RNFT2: variants seen among roughly 807,000 people sequenced by gnomAD.
The protein encoded by RNFT2 is ring finger protein, transmembrane 2, also known as E3 ubiquitin-protein ligase RNFT2.
Under a neutral mutation model 53.0 loss-of-function variants are expected in RNFT2, and 36 were observed. The ratio of observed to expected loss-of-function variants is 0.68; its 90% CI spans 0.52 to 0.90. The LOEUF is 0.90. Ranked by LOEUF, RNFT2 falls within the 40% of genes least tolerant of loss-of-function variation. The pLI is 0.00. For synonymous variants in RNFT2, 260 were observed against 253.2 expected (o/e 1.03, Z -0.26); for missense variants, 514 against 585.6 (o/e 0.88, Z 1.26).
chr12:116,756,968 G>C (rs530398769), intron 5 of RNFT2, among the ~76,000 whole-genome samples: 10 of 151,790 alleles, frequency 6.6e-5, no homozygotes, highest in Non-Finnish European at 1.2e-4. Flanking sequence ...ACTTTTTTTT[G>C]TTGGTAATTT....
intron 3 of RNFT2, among the ~76,000 whole-genome samples, chr12:116,744,210 A>C (rs1436101906): frequency 7.5e-6 from 1 of 132,562 alleles, no homozygotes; most frequent in Non-Finnish European, 1.6e-5. Flanking sequence ...TGGGTGACAG[A>C]GTGAGACTCC....
intron 5 of RNFT2, among the ~76,000 whole-genome samples, chr12:116,763,890 A>G (rs1042697132): frequency 1.3e-5 from 2 of 152,192 alleles, no homozygotes; most frequent in African/African-American, 4.8e-5. Flanking sequence ...ATACGAAAAA[A>G]ATACTTACAT....
intron 7 of RNFT2, among the ~76,000 whole-genome samples, chr12:116,792,274 T>C (rs1874276414): frequency 6.6e-6 from 1 of 152,178 alleles, no homozygotes; most frequent in African/African-American, 2.4e-5. Context: ...GGTCTTGAAC[T>C]CCTGACCTCA....
At chr12:116,835,844 T>C in intron 8 of RNFT2, 116 bp from the exon 9 acceptor site, 1 of 1,051,312 alleles carries the variant, frequency 9.5e-7, no homozygotes, top group South Asian at 1.4e-5. Context: ...AGAGGAGCCC[T>C]AAAAATGTTC....
rs147172449 is a variant in RNFT2, at chr12:116,769,479, A to T, written c.728+2565A>T. Among the ~76,000 whole-genome samples, 154 of 152,338 alleles carry T rather than the reference A, an allele frequency of 1.0e-3. 1 individual carries two copies. Among genetic ancestry groups the T allele is most frequent in the Non-Finnish European group, 1.7e-3 (114 of 68,036 alleles). ...GTGGGACAAGATGTGGAGGTGGAAGACAGTGATATTGATGATTCTGACCCC... is the reference window on the plus strand; with the variant it reads ...GTGGGACAAGATGTGGAGGTGGAAGTCAGTGATATTGATGATTCTGACCCC... On this transcript the variant is annotated intron_variant, in intron 6 of 10. Coordinates refer to ENST00000257575, the MANE Select transcript of RNFT2 (RefSeq NM_001382266.1).
In RNFT2 at chr12:116,749,937, C is replaced by G; in HGVS notation, c.180C>G (p.Phe60Leu). Residue 60 changes from phenylalanine to leucine, a missense_variant, in exon 4 of 11, where the codon TTC becomes TTG. Coordinates refer to ENST00000257575, the MANE Select transcript of RNFT2 (RefSeq NM_001382266.1). ...KAEAASPPAL[F>L]SGLSGSLPTS... ...AGGCAGCCTCCCCACCAGCGCTCTT[C>G]TCGGGCTTATCAGGCAGCCTCCCCA... 6.3e-7 allele frequency: 1 copy of G among 1,576,232 alleles called. No homozygotes were observed. Among genetic ancestry groups the G allele is most frequent in the Non-Finnish European group, 8.6e-7 (1 of 1,160,880 alleles).
Position 116,779,351 on chromosome 12 carries a change from A to G in RNFT2, c.882+3A>G, listed in dbSNP as rs940782359. The G allele has an allele frequency of 1.1e-5, 17 of 1,613,796 alleles. No homozygotes were observed. In the Admixed American group the frequency reaches 1.2e-4, roughly 11 times the overall value. On this transcript the variant is annotated splice_donor_region_variant and intron_variant, in intron 7 of 10. Transcript: ENST00000257575. ...TCATCCTGGCTGTCAAGTCCAAGGT[A>G]GGCACTGGCTGCGGCCACAAGGTAG... is the stretch of plus-strand genomic sequence containing the variant.
At chr12:116,750,924 G>T in intron 4 of RNFT2, among the ~76,000 whole-genome samples, 1 of 123,400 alleles carries the variant, frequency 8.1e-6, no homozygotes, top group Non-Finnish European at 1.6e-5. Flanking sequence ...TTTTGAGACA[G>T]GGTCTTGCTC....
chr12:116,801,369 G>C (rs779570382), intron 7 of RNFT2: 1 of 152,204 alleles, frequency 6.6e-6, no homozygotes, highest in Non-Finnish European at 1.5e-5. Flanking sequence ...GAAGATTCTA[G>C]AGCATGTAGC....
At chr12:116,744,329 G>A (rs1014735046) in intron 3 of RNFT2, among the ~76,000 whole-genome samples, 3 of 151,704 alleles carry the variant, frequency 2.0e-5, no homozygotes, top group Non-Finnish European at 2.9e-5. Flanking sequence ...AACCTTTTCC[G>A]CCTCTAAAGA....
chr12:116,841,942 TATATAAATATATATATAGAGAG>T (rs1877348381), intron 10 of RNFT2, among the ~76,000 whole-genome samples: 2 of 27,002 alleles, frequency 7.4e-5, no homozygotes, highest in African/African-American at 6.0e-4. Flanking sequence ...TATAAATATA[TATATAAATATATATATAGAGAG>T]AGAGAGAGAG....
intron 4 of RNFT2, among the ~76,000 whole-genome samples, chr12:116,750,831 T>TA (rs1555258777): frequency 0.012 from 38 of 3,158 alleles, 1 homozygote; most frequent in African/African-American, 0.059. Flanking sequence ...ATATATATAA[T>TA]ATATATATTA....
intron 4 of RNFT2, among the ~76,000 whole-genome samples, chr12:116,750,828 TAATATATATATTATATATATATA>T (rs1566069350): frequency 5.7e-3 from 14 of 2,456 alleles, no homozygotes; most frequent in Admixed American, 0.032. Flanking sequence ...ATTATATATA[TAATATATATATTATATATATATA>T]ATATATATTA....
chr12:116,781,870 A>C (rs1873715336), intron 7 of RNFT2, among the ~76,000 whole-genome samples: 1 of 151,992 alleles, frequency 6.6e-6, no homozygotes, highest in Non-Finnish European at 1.5e-5. Flanking sequence ...TGAGCTCAGC[A>C]GTTCAAAACC....
Position 116,849,604 on chromosome 12 carries a change from T to C in RNFT2, c.*156T>C. 1 of 1,399,768 alleles carries C rather than the reference T, an allele frequency of 7.1e-7. No individual in the cohort carries two copies. The highest frequency in any genetic ancestry group is 2.5e-5 in the East Asian group (1 of 39,368). The allele number at this position is 1,399,768 out of a possible 1,614,324, so 86.7% of individuals were successfully genotyped here. On this transcript the variant is annotated 3_prime_UTR_variant, in exon 11 of 11. Coordinates refer to ENST00000257575, the MANE Select transcript of RNFT2 (RefSeq NM_001382266.1). ...CAAAGTCCCGCCCCTGTCTTGTCCT[T>C]CTGACCTTCATCTTCCTCTCTCGTT... is the stretch of plus-strand genomic sequence containing the variant.
chr12:116,744,946 C>A (rs1449649044), intron 3 of RNFT2, among the ~76,000 whole-genome samples: 1 of 152,054 alleles, frequency 6.6e-6, no homozygotes, highest in East Asian at 1.9e-4. Context: ...GGGTACCTGC[C>A]AGGGCTCTTG....
intron 4 of RNFT2, 67 bp from the exon 5 acceptor site, chr12:116,753,917 T>TCATACCA: frequency 8.1e-7 from 1 of 1,237,140 alleles, no homozygotes; most frequent in South Asian, 1.2e-5. Flanking sequence ...TCCCCCATGT[T>TCATACCA]GCTCAGCACC....
chr12:116,823,065 ATTG>A (rs1282048647), intron 7 of RNFT2, among the ~76,000 whole-genome samples: 1 of 152,172 alleles, frequency 6.6e-6, no homozygotes, highest in East Asian at 1.9e-4. Flanking sequence ...CTTTGACTAT[ATTG>A]TTTGACCTCC....
At chr12:116,746,010 G>T (rs1871876780) in intron 3 of RNFT2, among the ~76,000 whole-genome samples, 1 of 152,126 alleles carries the variant, frequency 6.6e-6, no homozygotes, top group Admixed American at 6.5e-5. Context: ...GCCAAGGCGG[G>T]TGGATCACTT....
Sources: allele counts gnomAD v4.1 joint callset (sites outside exome capture counted in the v4.1 genomes callset), GRCh38; gene constraint gnomAD v4.1.1; transcripts MANE v1.5; gene names NCBI Gene and HGNC (gene_info 2026-07-23, HGNC 2026-07-21).